DLGAP1: variants seen among roughly 807,000 people sequenced by gnomAD.
The protein encoded by DLGAP1 is disks large-associated protein 1.
In DLGAP1, 11 loss-of-function variants were observed where a neutral mutation model predicts 90.8. That is an observed-to-expected ratio of 0.12 (90% CI 0.08 to 0.20). The LOEUF (loss-of-function observed/expected upper bound fraction) is 0.20, where lower values mean the gene tolerates loss of function less well. Ranked by LOEUF, DLGAP1 falls within the 10% of genes least tolerant of loss-of-function variation. The pLI is 1.00. For missense variants in DLGAP1, 1,050 were observed against 1,333.8 expected (o/e 0.79, Z 3.31); for synonymous variants, 558 against 540.7 (o/e 1.03, Z -0.44).
chr18:4,307,709 CTTTTTTT>C (rs34193366), intron 1 of DLGAP1, among the ~76,000 whole-genome samples: 9 of 107,212 alleles, frequency 8.4e-5, no homozygotes, highest in African/African-American at 2.8e-4. Flanking sequence ...TGAGGGTTTA[CTTTTTTT>C]TTTTTTTTTT....
At chr18:3,659,188 A>T (rs1176329666) in intron 7 of DLGAP1, among the ~76,000 whole-genome samples, 1 of 152,194 alleles carries the variant, frequency 6.6e-6, no homozygotes, top group African/African-American at 2.4e-5. Flanking sequence ...CATGATACAC[A>T]AAATTGTACA....
intron 2 of DLGAP1, among the ~76,000 whole-genome samples, chr18:4,049,022 T>C (rs946158136): frequency 5.9e-5 from 9 of 152,012 alleles, no homozygotes; most frequent in Admixed American, 3.9e-4. Flanking sequence ...AGGTCAGCAG[T>C]TCGAGACCAG....
At chr18:3,823,049 G>C (rs939170920) in intron 4 of DLGAP1, among the ~76,000 whole-genome samples, 1 of 152,180 alleles carries the variant, frequency 6.6e-6, no homozygotes. Flanking sequence ...CTATTTTGAC[G>C]GTAGTGAATA....
At chr18:3,699,992 C>G (rs2061225293) in intron 7 of DLGAP1, among the ~76,000 whole-genome samples, 1 of 152,192 alleles carries the variant, frequency 6.6e-6, no homozygotes, top group South Asian at 2.1e-4. Flanking sequence ...CTCAAGCGTC[C>G]CAGGTGGACT....
At chr18:4,334,508 T>C (rs995789921) in intron 1 of DLGAP1, among the ~76,000 whole-genome samples, 1 of 151,894 alleles carries the variant, frequency 6.6e-6, no homozygotes, top group African/African-American at 2.4e-5. Context: ...TAATGATGGC[T>C]GGAAGATTCC....
chr18:4,349,863 G>C (rs1423595007), intron 1 of DLGAP1, among the ~76,000 whole-genome samples: 1 of 152,022 alleles, frequency 6.6e-6, no homozygotes, highest in African/African-American at 2.4e-5. Flanking sequence ...TGTTATTTAT[G>C]GATTAAATAA....
chr18:4,330,118 T>C (rs1246654628), intron 1 of DLGAP1, among the ~76,000 whole-genome samples: 1 of 152,046 alleles, frequency 6.6e-6, no homozygotes, highest in African/African-American at 2.4e-5. Context: ...TTCAAAAACA[T>C]TTTGCATTTC....
At chr18:3,709,042 C>T (rs112189708) in intron 7 of DLGAP1, among the ~76,000 whole-genome samples, 3,960 of 152,246 alleles carry the variant, frequency 0.026, 168 homozygotes, top group African/African-American at 0.09. Flanking sequence ...ATTTATTCAA[C>T]AAATATTTAC....
At chr18:4,011,654 C>G (rs562437111) in intron 2 of DLGAP1, among the ~76,000 whole-genome samples, 2 of 151,556 alleles carry the variant, frequency 1.3e-5, no homozygotes, top group African/African-American at 4.9e-5. Flanking sequence ...TTGTCTCTAC[C>G]AAAAAATAAA....
chr18:3,747,633 G>A (rs1003188819), intron 5 of DLGAP1, among the ~76,000 whole-genome samples: 3 of 152,148 alleles, frequency 2.0e-5, no homozygotes, highest in Middle Eastern at 3.2e-3. Flanking sequence ...GTGAAAGTCC[G>A]GCGTTTTGAA....
At chr18:3,554,770 T>C (rs2053657611) in intron 9 of DLGAP1, among the ~76,000 whole-genome samples, 1 of 152,202 alleles carries the variant, frequency 6.6e-6, no homozygotes, top group Non-Finnish European at 1.5e-5. Context: ...AGAAGTCTAC[T>C]CCTTAATAGA....
At chr18:4,106,386 C>T (rs905208466) in intron 2 of DLGAP1, among the ~76,000 whole-genome samples, 12 of 152,172 alleles carry the variant, frequency 7.9e-5, no homozygotes, top group Admixed American at 7.2e-4. Flanking sequence ...AGCTGTCATG[C>T]CCCCAGCCCT....
chr18:4,115,578 G>T (rs192094710), intron 2 of DLGAP1, among the ~76,000 whole-genome samples: 103 of 151,794 alleles, frequency 6.8e-4, no homozygotes, highest in African/African-American at 2.3e-3. Flanking sequence ...CTCTGCCTCC[G>T]GGGTTCACGC....
At chr18:3,873,628 T>C (rs112085991) in intron 4 of DLGAP1, among the ~76,000 whole-genome samples, 1 of 152,242 alleles carries the variant, frequency 6.6e-6, no homozygotes, top group African/African-American at 2.4e-5. Context: ...AAACTCCCAC[T>C]GGGCAAAGAT....
At chr18:3,626,237 G>A (rs577708470) in intron 7 of DLGAP1, among the ~76,000 whole-genome samples, 10 of 151,522 alleles carry the variant, frequency 6.6e-5, no homozygotes, top group Non-Finnish European at 1.3e-4. Flanking sequence ...GCTACAATGA[G>A]TAGTGATCGC....
intron 4 of DLGAP1, among the ~76,000 whole-genome samples, chr18:3,841,541 C>T (rs1467917440): frequency 2.0e-5 from 3 of 152,108 alleles, no homozygotes; most frequent in Non-Finnish European, 4.4e-5. Context: ...CAGTAAATCA[C>T]GTGGAAAATA....
chr18:4,162,883 C>T (rs777975446), intron 1 of DLGAP1, among the ~76,000 whole-genome samples: 7 of 151,518 alleles, frequency 4.6e-5, no homozygotes, highest in Non-Finnish European at 7.4e-5. Context: ...GCAATGTCAA[C>T]GCACACCATT....
chr18:4,039,150 C>G (rs1030053397), intron 2 of DLGAP1, among the ~76,000 whole-genome samples: 2 of 152,096 alleles, frequency 1.3e-5, no homozygotes, highest in Non-Finnish European at 2.9e-5. Context: ...TTTTTTCATA[C>G]AAATTGGAAT....
At chr18:3,890,826 G>A (rs529297863) in intron 3 of DLGAP1, among the ~76,000 whole-genome samples, 10 of 152,200 alleles carry the variant, frequency 6.6e-5, no homozygotes, top group African/African-American at 1.7e-4. Context: ...ACTCCTGGGC[G>A]CAAGCAATCC....
Sources: gnomAD v4.1 joint callset for allele counts (sites outside exome capture counted in the v4.1 genomes callset) on GRCh38, gnomAD v4.1.1 for gene constraint, MANE v1.5 for transcripts, NCBI Gene and HGNC (gene_info 2026-07-23, HGNC 2026-07-21) for gene names.